ZNF608: variants seen among roughly 807,000 people sequenced by gnomAD.
The protein encoded by ZNF608 is renal carcinoma antigen NY-REN-36.
Under a neutral mutation model 109.0 loss-of-function variants are expected in ZNF608, and 12 were observed. The observed-to-expected ratio is 0.11, with a 90% CI of 0.07 to 0.18. The LOEUF (loss-of-function observed/expected upper bound fraction) is 0.18. Among genes scored for constraint, ZNF608 ranks in the 10% least tolerant of loss-of-function variants. The pLI, the probability that ZNF608 is intolerant of heterozygous loss-of-function variation, is 1.00. For missense variants in ZNF608, 1,707 were observed against 1,879.3 expected (o/e 0.91, Z 1.70); for synonymous variants, 732 against 717.4 (o/e 1.02, Z -0.33).
chr5:124,701,981 G>A (rs1254773463), intron 2 of ZNF608, among the ~76,000 whole-genome samples: 1 of 152,144 alleles, frequency 6.6e-6, no homozygotes, highest in Non-Finnish European at 1.5e-5. Context: ...TCCCTAATGA[G>A]TTTGATTAAG....
chr5:124,710,335 A>G (rs1271158711), intron 2 of ZNF608: 4 of 395,792 alleles, frequency 1.0e-5, no homozygotes, highest in Non-Finnish European at 2.0e-5. Flanking sequence ...GCAACCACCT[A>G]AAAGGAGTAT....
chr5:124,656,835 C>CACAA (rs1293666680), intron 3 of ZNF608, among the ~76,000 whole-genome samples: 3 of 150,928 alleles, frequency 2.0e-5, no homozygotes, highest in Admixed American at 6.6e-5. Context: ...CACACACACA[C>CACAA]ACACACACAC....
intron 3 of ZNF608, among the ~76,000 whole-genome samples, chr5:124,691,091 CA>C (rs1394149190): frequency 6.6e-6 from 1 of 151,988 alleles, no homozygotes; most frequent in Admixed American, 6.6e-5. Context: ...AGTTCAACAC[CA>C]ACCCGCACAA....
chr5:124,714,164 G>A (rs1373223758), intron 2 of ZNF608, among the ~76,000 whole-genome samples: 1 of 152,032 alleles, frequency 6.6e-6, no homozygotes, highest in Non-Finnish European at 1.5e-5. Flanking sequence ...TCTATGATAC[G>A]TCTCTATTCC....
Position 124,744,773 on chromosome 5 carries a change from C to T in ZNF608, c.217G>A (p.Ala73Thr), listed in dbSNP as rs1165988709. The T allele has an allele frequency of 6.2e-7, 1 of 1,614,234 alleles. No individual in the cohort carries two copies. Among genetic ancestry groups the T allele is most frequent in the Admixed American group, 1.7e-5 (1 of 60,032 alleles). Reference protein sequence around the residue: ...KDCGGPASSGAGATAALADGL... With the variant: ...KDCGGPASSGTGATAALADGL... ...TCAGCTAAGGCTGCGGTAGCACCAG[C>T]CCCACTGGAGGCCGGACCTCCACAA... The change falls in exon 2 of 10, where the codon GCT becomes ACT. Residue 73 changes from alanine to threonine, a missense_variant. Coordinates refer to ENST00000513986, the MANE Select transcript of ZNF608 (RefSeq NM_020747.3). The surrounding 1 kb of genome is among the most constrained non-coding windows in gnomAD (Gnocchi z 4.5).
intron 3 of ZNF608, among the ~76,000 whole-genome samples, chr5:124,655,761 T>C (rs560484228): frequency 6.4e-4 from 97 of 152,376 alleles, no homozygotes; most frequent in African/African-American, 2.1e-3. Context: ...ATTATTATGT[T>C]GTCGTCACTC....
At chr5:124,692,401 T>G (rs1010254967) in intron 3 of ZNF608, among the ~76,000 whole-genome samples, 4 of 152,176 alleles carry the variant, frequency 2.6e-5, no homozygotes, top group African/African-American at 7.2e-5. Context: ...GATCCAACAG[T>G]GAACAAAACA....
intron 3 of ZNF608, among the ~76,000 whole-genome samples, chr5:124,658,861 G>A (rs565037716): frequency 1.3e-5 from 2 of 152,150 alleles, no homozygotes; most frequent in African/African-American, 4.8e-5. Context: ...TTTGGGAAAG[G>A]TATTTTGTAA....
intron 7 of ZNF608, 147 bp from the exon 8 acceptor site, chr5:124,641,552 T>C: frequency 3.1e-6 from 3 of 968,608 alleles, no homozygotes; most frequent in Non-Finnish European, 4.3e-6. Flanking sequence ...TAAAGAGAAT[T>C]TCAAAAAACA....
intron 3 of ZNF608, among the ~76,000 whole-genome samples, chr5:124,656,685 T>A (rs953148124): frequency 6.6e-6 from 1 of 152,146 alleles, no homozygotes; most frequent in Admixed American, 6.5e-5. Flanking sequence ...CTTACTTGAC[T>A]GTACTTATCT....
chr5:124,689,915 C>T (rs75939639), intron 3 of ZNF608, among the ~76,000 whole-genome samples: 18,592 of 152,222 alleles, frequency 0.12, 1,403 homozygotes, highest in Non-Finnish European at 0.17. Flanking sequence ...CACACAAAAA[C>T]CTACAAATGG....
At chr5:124,711,786 G>A (rs114072637) in intron 2 of ZNF608, among the ~76,000 whole-genome samples, 2 of 152,208 alleles carry the variant, frequency 1.3e-5, no homozygotes, top group African/African-American at 4.8e-5. Context: ...GGGACAGGGA[G>A]AGCTGAGGCT....
chr5:124,701,992 G>A (rs1180281741), intron 2 of ZNF608, among the ~76,000 whole-genome samples: 1 of 152,132 alleles, frequency 6.6e-6, no homozygotes, highest in East Asian at 1.9e-4. Flanking sequence ...TTTGATTAAG[G>A]CTCAGTCACC....
At position 124,648,853 on chromosome 5, in the gene ZNF608, T is replaced by G. The variant is rs1276318758; in HGVS notation, c.1531A>C (p.Asn511His). ...KNKPPMELDL[N>H]SSSEDNKPGK... ...GGCTTATTGTCCTCAGAGCTGGAGT[T>G]CAGGTCCAGCTCCATTGGAGGCTTG... Residue 511 changes from asparagine to histidine, a missense_variant, in exon 5 of 10, where the codon AAC becomes CAC. Transcript: ENST00000513986. 4 of 1,614,084 alleles carry G rather than the reference T, an allele frequency of 2.5e-6. No homozygotes were observed. Among genetic ancestry groups the G allele is most frequent in the Non-Finnish European group, 3.4e-6 (4 of 1,179,970 alleles).
intron 3 of ZNF608, among the ~76,000 whole-genome samples, chr5:124,654,606 C>T (rs571904642): frequency 6.6e-5 from 10 of 152,294 alleles, no homozygotes; most frequent in East Asian, 3.9e-4. Context: ...TGGAAACGTA[C>T]GAGCCATGTT....
chr5:124,639,314 T>A, intron 8 of ZNF608, 100 bp from the exon 9 acceptor site: 1 of 943,862 alleles, frequency 1.1e-6, no homozygotes, highest in Non-Finnish European at 1.7e-6. Flanking sequence ...CAGCATGGTG[T>A]CCTCTCCTAA....
chr5:124,747,344 G>A (rs923283614), upstream of ZNF608, among the ~76,000 whole-genome samples: 19 of 151,814 alleles, frequency 1.3e-4, no homozygotes, highest in Non-Finnish European at 2.8e-4. Context: ...CTGGCGTTTG[G>A]AAGCTAAAAG....
chr5:124,730,999 C>T (rs933683780), intron 2 of ZNF608, among the ~76,000 whole-genome samples: 3 of 152,186 alleles, frequency 2.0e-5, no homozygotes, highest in Admixed American at 6.5e-5. Context: ...AGCTTCTAGG[C>T]TGTCACAAAT....
chr5:124,641,106 T>A, intron 8 of ZNF608, 146 bp downstream of exon 8: 1 of 955,644 alleles, frequency 1.0e-6, no homozygotes. Context: ...TAGCCTTAGC[T>A]GTGTCACTAG....
Sources: gnomAD v4.1 joint callset for allele counts (sites outside exome capture counted in the v4.1 genomes callset) on GRCh38, gnomAD v4.1.1 for gene constraint, Gnocchi (gnomAD v3.1) non-coding constraint, MANE v1.5 for transcripts, NCBI Gene and HGNC (gene_info 2026-07-23, HGNC 2026-07-21) for gene names.